The following MVP variants were observed in gnomAD, a reference collection of about 807,000 sequenced individuals.
MVP encodes the protein major vault protein, also known as lung resistance-related protein.
MVP carries 62 observed loss-of-function variants against 83.5 expected under a neutral mutation model. The ratio of observed to expected loss-of-function variants is 0.74; its 90% confidence interval spans 0.61 to 0.92. The LOEUF (loss-of-function observed/expected upper bound fraction) is 0.92. Among genes scored for constraint, MVP ranks in the 40% least tolerant of loss-of-function variants. The probability of loss-of-function intolerance (pLI) is 0.00; values close to 1 mark genes in which losing one functional copy is unlikely to be tolerated. For missense variants in MVP, 1,000 were observed against 1,203.4 expected (o/e 0.83, Z 2.50); for synonymous variants, 505 against 504.1 (o/e 1.00, Z -0.02).
chr16:29,840,552 C>T (rs1255186598), intron 8 of MVP, 93 bp downstream of exon 8: 37 of 1,421,906 alleles, frequency 2.6e-5, no homozygotes, highest in African/African-American at 4.3e-5. Context: ...GCAGGGACTT[C>T]AGCAGCATGG....
chr16:29,841,073 C>T lies in MVP; in HGVS notation c.1192-523C>T, dbSNP rs900053666. ...AACAGGAAGGACCTCCTCCCTCATG[C>T]CCATATCCCGGTGGAATCTTTCATT... On this transcript the variant is annotated intron_variant, in intron 8 of 14. Coordinates refer to ENST00000357402, the MANE Select transcript of MVP (RefSeq NM_005115.5). The surrounding 1 kb of genome is among the most constrained non-coding windows in gnomAD (Gnocchi z 4.7). 2.6e-5 allele frequency among the ~76,000 whole-genome samples: 4 copies of T among 152,008 alleles called. No individual in the cohort carries two copies. Among genetic ancestry groups the T allele is most frequent in the African/African-American group, 9.7e-5 (4 of 41,386 alleles).
At position 29,847,106 on chromosome 16, in the gene MVP, T is replaced by C. The variant is rs2067591366; in HGVS notation, c.2266-91T>C. ...CCAGGAGGCTGAGGCAGGAGGATCC[T>C]TTGAGCCAGGAGTTCAAGGCTGCAG... On this transcript the variant is annotated intron_variant, in intron 13 of 14. Transcript: ENST00000357402. 10 of 1,396,704 alleles carry C rather than the reference T, an allele frequency of 7.2e-6. No homozygotes were observed. In the East Asian group the frequency reaches 2.1e-4, roughly 29 times the overall value. The allele number at this position is 1,396,704 out of a possible 1,614,324, so 86.5% of individuals were successfully genotyped here.
intron 3 of MVP, among the ~76,000 whole-genome samples, chr16:29,831,300 C>A (rs2067440502): frequency 6.6e-6 from 1 of 152,038 alleles, no homozygotes; most frequent in Admixed American, 6.6e-5. Context: ...ATTACAGGCA[C>A]CCGCCACCAC....
chr16:29,845,589 A>G (rs1052153560), intron 11 of MVP, among the ~76,000 whole-genome samples: 5 of 151,958 alleles, frequency 3.3e-5, no homozygotes, highest in African/African-American at 1.2e-4. Context: ...TCTCTCCCAC[A>G]CTTGTCACTG....
At chr16:29,838,860 AC>A (rs2067509994) in intron 7 of MVP, among the ~76,000 whole-genome samples, 1 of 152,146 alleles carries the variant, frequency 6.6e-6, no homozygotes, top group Admixed American at 6.6e-5. Context: ...CATACGTGCT[AC>A]AACATGGATA....
chr16:29,847,155 C>T lies in MVP; in HGVS notation c.2266-42C>T, dbSNP rs539521577. ...AGTGAGTCCTGATCTGCATTCCAGCCTGGGTCAAAAAATAAAGAATGATTG... is the reference window on the plus strand; with the variant it reads ...AGTGAGTCCTGATCTGCATTCCAGCTTGGGTCAAAAAATAAAGAATGATTG... On this transcript the variant is annotated intron_variant, in intron 13 of 14. Transcript: ENST00000357402. The T allele has an allele frequency of 2.5e-6, 4 of 1,599,074 alleles. No homozygotes were observed. The African/African-American group carries it at 5.4e-5, about 21-fold the overall frequency.
intron 1 of MVP, among the ~76,000 whole-genome samples, chr16:29,827,124 A>G (rs200033792): frequency 1.5e-4 from 23 of 152,220 alleles, no homozygotes; most frequent in Non-Finnish European, 3.4e-4. Context: ...TCGGAAAGCA[A>G]GCCCCTGTGT....
At chr16:29,831,560 C>T (rs550571368) in intron 3 of MVP, 3 of 455,298 alleles carry the variant, frequency 6.6e-6, no homozygotes, top group African/African-American at 6.0e-5. Flanking sequence ...CCTCCACTCA[C>T]CTCCAGCCAC....
At position 29,832,423 on chromosome 16, in the gene MVP, G is replaced by A. The variant is rs1229974585; in HGVS notation, c.322-1310G>A. 4.2e-5 allele frequency among the ~76,000 whole-genome samples: 6 copies of A among 144,520 alleles called. No individual in the cohort carries two copies. In the South Asian group the frequency reaches 6.8e-4, roughly 16 times the overall value. The allele number at this position is 144,520 out of a possible 152,430, so 94.8% of individuals were successfully genotyped here. A position where few individuals can be genotyped will look rare whatever the true frequency, so the allele number is the denominator to read the frequency against. ...CGCAATTCTCCTGCCTCAGCCTCCC[G>A]AGTAGCTGGGACTACAGGCGCCCAC... On this transcript the variant is annotated intron_variant, in intron 3 of 14. Coordinates refer to ENST00000357402, the MANE Select transcript of MVP (RefSeq NM_005115.5).
At chr16:29,831,625 G>C (rs901640120) in intron 3 of MVP, 4 of 456,030 alleles carry the variant, frequency 8.8e-6, no homozygotes, top group African/African-American at 8.0e-5. Flanking sequence ...AGAACTGTTG[G>C]CCCATCTCAC....
intron 3 of MVP, 28 bp downstream of exon 3, chr16:29,831,101 C>T (rs946251944): frequency 1.9e-6 from 3 of 1,595,188 alleles, no homozygotes; most frequent in Admixed American, 1.7e-5. Flanking sequence ...TCCCTATGCC[C>T]CACCCTACCT....
rs1399827149 is a variant in MVP at position 29,844,660 on chromosome 16, C to T, written c.1802C>T (p.Thr601Ile). 2.5e-6 allele frequency: 4 copies of T among 1,614,190 alleles called. No individual in the cohort carries two copies. The South Asian group carries it at 3.3e-5, about 13-fold the overall frequency. Residue 601 changes from threonine (T) to isoleucine (I), a missense_variant, in exon 11 of 15, where the codon ACT becomes ATT. By Grantham distance (89) the Thr-to-Ile change is moderately conservative. Transcript: ENST00000357402. ...FHKNSARIIR[T>I]AVFGFETSEA... ...AAGAACTCAGCCCGCATCATTCGCACTGCTGTCTTTGGCTTTGAGACCTCG... is the reference window on the plus strand; with the variant it reads ...AAGAACTCAGCCCGCATCATTCGCATTGCTGTCTTTGGCTTTGAGACCTCG...
chr16:29,824,548 T>G (rs1010518045), intron 1 of MVP, among the ~76,000 whole-genome samples: 4 of 152,210 alleles, frequency 2.6e-5, no homozygotes, highest in Non-Finnish European at 4.4e-5. Context: ...GCAGATTGCC[T>G]GAGCTCAGGA....
rs2067539001 is a variant in MVP, at chr16:29,841,939, G to T, written c.1461G>T (p.Val487=). The part of the protein sequence containing the change: ...RARVVFGPEL[V]SLGPEEQFTV... ...GCGTGGTCTTCGGGCCTGAGCTGGT[G>T]TCGCTGGGTCCTGAGGAGCAGTTCA... The change falls in exon 10 of 15, where the codon GTG becomes GTT. Residue 487 remains valine (V), a synonymous_variant. Transcript: ENST00000357402. The surrounding 1 kb of genome is among the most constrained non-coding windows in gnomAD (Gnocchi z 4.7). 1 of 1,612,786 alleles carries T rather than the reference G, an allele frequency of 6.2e-7. No homozygotes were observed. Among genetic ancestry groups the T allele is most frequent in the Non-Finnish European group, 8.5e-7 (1 of 1,180,028 alleles).
intron 3 of MVP, among the ~76,000 whole-genome samples, chr16:29,832,529 C>T (rs1164878555): frequency 1.3e-5 from 2 of 149,266 alleles, no homozygotes; most frequent in Non-Finnish European, 1.5e-5. Context: ...GATCTCCTGA[C>T]GTCATGATCC....
At chr16:29,835,832 T>C in intron 6 of MVP, 34 bp downstream of exon 6, 1 of 1,585,882 alleles carries the variant, frequency 6.3e-7, no homozygotes, top group Non-Finnish European at 8.6e-7. Flanking sequence ...TTAAGGGACC[T>C]GGGGCTAGGG....
intron 10 of MVP, among the ~76,000 whole-genome samples, chr16:29,843,044 G>A (rs1441715510): frequency 6.6e-6 from 1 of 152,228 alleles, no homozygotes; most frequent in Non-Finnish European, 1.5e-5. Flanking sequence ...GGGACAGGGT[G>A]CTTTCCTCAG....
chr16:29,839,927 T>C (rs955574090), intron 7 of MVP, among the ~76,000 whole-genome samples: 2 of 151,874 alleles, frequency 1.3e-5, no homozygotes, highest in African/African-American at 4.8e-5. Flanking sequence ...TGGTTTAGCT[T>C]GCGTGGATCC....
At chr16:29,833,577 TG>T in intron 3 of MVP, 155 bp from the exon 4 acceptor site, 1 of 925,708 alleles carries the variant, frequency 1.1e-6, no homozygotes, top group Non-Finnish European at 1.6e-6. Flanking sequence ...CCCAAAGTTC[TG>T]GGATGACAGG....
Sources: allele counts gnomAD v4.1 joint callset (sites outside exome capture counted in the v4.1 genomes callset), GRCh38; gene constraint gnomAD v4.1.1; non-coding constraint Gnocchi (gnomAD v3.1); transcripts MANE v1.5; gene names NCBI Gene and HGNC (gene_info 2026-07-23, HGNC 2026-07-21).